KIF6: variants seen among roughly 807,000 people sequenced by gnomAD.
The protein encoded by KIF6 is kinesin family member 6.
KIF6 carries 106 observed loss-of-function variants against 112.7 expected under a neutral mutation model. The ratio of observed to expected loss-of-function variants is 0.94; its 90% CI spans 0.80 to 1.11. The LOEUF (loss-of-function observed/expected upper bound fraction) is 1.11. KIF6 is among the 50% of genes least tolerant of loss of function. KIF6 has a pLI of 0.00. For synonymous variants in KIF6, 339 were observed against 339.9 expected, an observed-to-expected ratio of 1.00 and a Z score of 0.03; for missense variants, 929 against 964.0, an observed-to-expected ratio of 0.96 and a Z score of 0.48.
intron 13 of KIF6, among the ~76,000 whole-genome samples, chr6:39,493,132 ATCC>A (rs1483481948): frequency 6.6e-6 from 1 of 152,232 alleles, no homozygotes; most frequent in Admixed American, 6.5e-5. Context: ...CCTAGGGAAT[ATCC>A]TCCTCCTTGC....
chr6:39,588,480 C>T (rs1781757810), intron 7 of KIF6, among the ~76,000 whole-genome samples: 1 of 152,156 alleles, frequency 6.6e-6, no homozygotes, highest in Admixed American at 6.5e-5. Context: ...TCCCAAAGTG[C>T]TAGGATTACA....
rs1763426674 is a variant in KIF6, at chr6:39,342,952, T to A, written c.2428+757A>T. On this transcript the variant is annotated intron_variant, in intron 22 of 22. Transcript: ENST00000287152. The surrounding 1 kb of genome is among the most constrained non-coding windows in gnomAD (Gnocchi z 4.7). Reference sequence around the variant, plus strand: ...CCCATACCATCACGGTGGGGGCGCCTTTCTGGCAATGTGAAGGCAATGTTA... The same window carrying A: ...CCCATACCATCACGGTGGGGGCGCCATTCTGGCAATGTGAAGGCAATGTTA... 1 of 985,270 alleles carries A rather than the reference T, an allele frequency of 1.0e-6. No homozygotes were observed. The highest frequency in any genetic ancestry group is 6.1e-5 in the Admixed American group (1 of 16,264). The allele number at this position is 985,270 out of a possible 1,614,324, so 61.0% of individuals were successfully genotyped here. A position where few individuals can be genotyped will look rare whatever the true frequency, so the allele number is the denominator to read the frequency against.
chr6:39,432,750 T>C (rs1317198232), intron 13 of KIF6, among the ~76,000 whole-genome samples: 4 of 152,204 alleles, frequency 2.6e-5, no homozygotes, highest in African/African-American at 9.7e-5. Flanking sequence ...AGCGGATTCA[T>C]TCCATACCTT....
intron 1 of KIF6, among the ~76,000 whole-genome samples, chr6:39,723,490 T>A (rs1790342519): frequency 6.6e-6 from 1 of 152,150 alleles, no homozygotes; most frequent in Non-Finnish European, 1.5e-5. Flanking sequence ...AGAACCAATC[T>A]AAATGCCCAT....
At chr6:39,354,542 A>G (rs972065114) in intron 19 of KIF6, among the ~76,000 whole-genome samples, 1 of 152,262 alleles carries the variant, frequency 6.6e-6, no homozygotes, top group African/African-American at 2.4e-5. Context: ...AGGTGACAAA[A>G]GCTGCTTTCT....
intron 13 of KIF6, among the ~76,000 whole-genome samples, chr6:39,485,923 C>G (rs1271043588): frequency 6.6e-6 from 1 of 152,134 alleles, no homozygotes; most frequent in South Asian, 2.1e-4. Context: ...TATATATTAT[C>G]CCCATTTCAT....
chr6:39,335,224 G>T lies in KIF6; in HGVS notation c.*1308C>A, dbSNP rs530786420. On this transcript the variant is annotated 3_prime_UTR_variant, in exon 23 of 23. Coordinates refer to ENST00000287152, the MANE Select transcript of KIF6 (RefSeq NM_145027.6). ...TGGTAATGGGATAGGGGATAACTAG[G>T]GGGTGACTCGAGATGGAGTGGTCAG... 6.6e-6 allele frequency: 1 copy of T among 152,136 alleles called. No homozygotes were observed. The highest frequency in any genetic ancestry group is 1.5e-5 in the Non-Finnish European group (1 of 68,038). 9.4% of individuals were successfully genotyped at this position (152,136 alleles called of 1,614,324 possible).
intron 13 of KIF6, among the ~76,000 whole-genome samples, chr6:39,503,414 A>C (rs114495220): frequency 0.023 from 3,528 of 152,312 alleles, 89 homozygotes; most frequent in African/African-American, 0.064. Context: ...TAACAACCTG[A>C]GATCACAACT....
At chr6:39,574,766 A>T (rs1780841111) in intron 10 of KIF6, among the ~76,000 whole-genome samples, 1 of 152,030 alleles carries the variant, frequency 6.6e-6, no homozygotes, top group South Asian at 2.1e-4. Flanking sequence ...CCTCACCAAC[A>T]CCTATTCATC....
intron 13 of KIF6, among the ~76,000 whole-genome samples, chr6:39,448,322 C>A (rs981511427): frequency 6.6e-6 from 1 of 151,988 alleles, no homozygotes; most frequent in Non-Finnish European, 1.5e-5. Flanking sequence ...TTACAGGCAC[C>A]TGCCACCACA....
chr6:39,483,045 T>C (rs1774896783), intron 13 of KIF6, among the ~76,000 whole-genome samples: 1 of 152,202 alleles, frequency 6.6e-6, no homozygotes, highest in African/African-American at 2.4e-5. Flanking sequence ...ATCATCAAAA[T>C]AACAAATAAT....
At chr6:39,493,763 A>C (rs1775616505) in intron 13 of KIF6, among the ~76,000 whole-genome samples, 1 of 152,218 alleles carries the variant, frequency 6.6e-6, no homozygotes, top group Non-Finnish European at 1.5e-5. Flanking sequence ...GATTTCATTT[A>C]GTTCAAAATT....
intron 13 of KIF6, among the ~76,000 whole-genome samples, chr6:39,489,022 T>G (rs1159643104): frequency 2.0e-5 from 3 of 152,220 alleles, no homozygotes; most frequent in African/African-American, 7.2e-5. Flanking sequence ...ATATCCCTAT[T>G]TTGCCCCCTT....
chr6:39,506,252 A>G (rs1582003667), intron 13 of KIF6, among the ~76,000 whole-genome samples: 1 of 152,214 alleles, frequency 6.6e-6, no homozygotes, highest in East Asian at 1.9e-4. Context: ...TAACACAGGA[A>G]CAGAAAATCA....
At chr6:39,354,465 A>G (rs1764491325) in intron 19 of KIF6, among the ~76,000 whole-genome samples, 1 of 152,360 alleles carries the variant, frequency 6.6e-6, no homozygotes, top group Middle Eastern at 3.4e-3. Context: ...GCAAAGACAC[A>G]ATGCAAGATT....
chr6:39,691,611 T>C (rs1288869775), intron 3 of KIF6: 1 of 152,220 alleles, frequency 6.6e-6, no homozygotes, highest in Non-Finnish European at 1.5e-5. Context: ...GATTGCTTGG[T>C]GGTGATTCCA....
chr6:39,603,794 C>T (rs1185579719), intron 6 of KIF6, among the ~76,000 whole-genome samples: 1 of 151,992 alleles, frequency 6.6e-6, no homozygotes, highest in Non-Finnish European at 1.5e-5. Context: ...TTCAAATAAC[C>T]TCTGTATATC....
chr6:39,646,125 T>A (rs549132300), intron 3 of KIF6, among the ~76,000 whole-genome samples: 151 of 135,750 alleles, frequency 1.1e-3, no homozygotes, highest in African/African-American at 2.3e-3. Flanking sequence ...ATAAGAAAAA[T>A]ATATATATAT....
intron 16 of KIF6, among the ~76,000 whole-genome samples, chr6:39,383,659 T>A (rs1430741981): frequency 6.6e-6 from 1 of 152,250 alleles, no homozygotes; most frequent in African/African-American, 2.4e-5. Context: ...TATGGTTCCA[T>A]ATGAATTTTA....
Sources: gnomAD v4.1 joint callset for allele counts (sites outside exome capture counted in the v4.1 genomes callset) on GRCh38, gnomAD v4.1.1 for gene constraint, Gnocchi (gnomAD v3.1) non-coding constraint, MANE v1.5 for transcripts, NCBI Gene and HGNC (gene_info 2026-07-23, HGNC 2026-07-21) for gene names.